CERKL: variants seen among roughly 807,000 people sequenced by gnomAD.
CERKL encodes the protein ceramide kinase-like protein.
CERKL carries 61 observed loss-of-function variants against 63.4 expected under a neutral mutation model. That is an observed-to-expected ratio of 0.96 (90% CI 0.78 to 1.19). The LOEUF (loss-of-function observed/expected upper bound fraction) is 1.19, where lower values mean the gene tolerates loss of function less well. Ranked by LOEUF, CERKL falls within the 50% of genes most tolerant of loss-of-function variation. The pLI, the probability that CERKL is intolerant of heterozygous loss-of-function variation, is 0.00. For missense variants in CERKL, 675 were observed against 655.5 expected (o/e 1.03, Z -0.33); for synonymous variants, 250 against 230.5 (o/e 1.08, Z -0.77).
chr2:181,656,897 T>G lies in CERKL; in HGVS notation c.110A>C (p.Gln37Pro). Residue 37 changes from glutamine (Q) to proline (P), a missense_variant, in exon 1 of 13, where the codon CAG becomes CCG. Coordinates refer to ENST00000410087, the MANE Select transcript of CERKL (RefSeq NM_201548.5). Reference protein sequence around the residue: ...AVPPALLTSPQQTEAAAERIL... With the variant: ...AVPPALLTSPPQTEAAAERIL... ...CCGCTCGGCCGCCGCCTCCGTCTGC[T>G]GCGGGGACGTTAACAGCGCCGGAGG... 1 of 1,604,882 alleles carries G rather than the reference T, an allele frequency of 6.2e-7. No individual in the cohort carries two copies. Among genetic ancestry groups the G allele is most frequent in the Non-Finnish European group, 8.5e-7 (1 of 1,175,060 alleles).
intron 1 of CERKL, among the ~76,000 whole-genome samples, chr2:181,607,580 A>C (rs910470058): frequency 1.3e-5 from 2 of 152,218 alleles, no homozygotes; most frequent in African/African-American, 4.8e-5. Flanking sequence ...AAAGGAAACC[A>C]AACTCAGTCA....
At position 181,604,083 on chromosome 2, in the gene CERKL, A is replaced by G. The variant is rs1292284391; in HGVS notation, c.239-4T>C. On this transcript the variant is annotated splice_polypyrimidine_tract_variant and splice_region_variant and intron_variant, in intron 1 of 12. Transcript: ENST00000410087. ...AGCAAGTCATACTTAGAATCACCTG[A>G]AAAAAAAATAAATTTTCCAATTAAA... The G allele has an allele frequency of 1.3e-5, 21 of 1,559,934 alleles. No homozygotes were observed. The highest frequency in any genetic ancestry group is 2.3e-5 in the East Asian group (1 of 44,130).
intron 10 of CERKL, among the ~76,000 whole-genome samples, chr2:181,545,870 A>G (rs927960198): frequency 1.3e-5 from 2 of 152,196 alleles, no homozygotes; most frequent in Non-Finnish European, 2.9e-5. Flanking sequence ...CACAACTTAC[A>G]TGGCTGGCAC....
chr2:181,553,066 C>G (rs775654976), intron 5 of CERKL, among the ~76,000 whole-genome samples: 4 of 152,152 alleles, frequency 2.6e-5, no homozygotes, highest in Non-Finnish European at 4.4e-5. Flanking sequence ...ACCTCCAACT[C>G]ATGGACTCAG....
rs1687133236 is a variant in CERKL, at chr2:181,536,803, C to CTAGATAATTG, written c.*1371_*1380dup. On this transcript the variant is annotated 3_prime_UTR_variant, in exon 13 of 13. Coordinates refer to ENST00000410087, the MANE Select transcript of CERKL (RefSeq NM_201548.5). Reference sequence around the variant, plus strand: ...GTAATATTTATTTTATGCTTATGATCTAGATAATTGCAGAATATCATTTTA... The same window carrying CTAGATAATTG: ...GTAATATTTATTTTATGCTTATGATCTAGATAATTGTAGATAATTGCAGAATATCATTTTA... 3.4e-6 allele frequency: 1 copy of CTAGATAATTG among 292,192 alleles called. No individual in the cohort carries two copies. The highest frequency in any genetic ancestry group is 6.8e-6 in the Non-Finnish European group (1 of 147,136). 18.1% of individuals were successfully genotyped at this position (292,192 alleles called of 1,614,324 possible).
At chr2:181,565,513 G>C in intron 4 of CERKL, 4 of 1,597,612 alleles carry the variant, frequency 2.5e-6, no homozygotes, top group Non-Finnish European at 3.4e-6. Context: ...GATGCCCACT[G>C]TGAATAACAT....
chr2:181,576,165 T>A (rs991739867), intron 2 of CERKL, among the ~76,000 whole-genome samples: 1 of 152,164 alleles, frequency 6.6e-6, no homozygotes, highest in African/African-American at 2.4e-5. Flanking sequence ...TTCTGTTCTA[T>A]AGGATAATAT....
intron 8 of CERKL, 198 bp from the exon 9 acceptor site, chr2:181,548,045 A>T (rs976546929): frequency 1.6e-6 from 1 of 618,398 alleles, no homozygotes; most frequent in African/African-American, 1.9e-5. Flanking sequence ...TTTAAAGGTA[A>T]ACTAGTATTA....
chr2:181,643,516 T>C (rs984356426), intron 1 of CERKL, among the ~76,000 whole-genome samples: 25 of 152,378 alleles, frequency 1.6e-4, no homozygotes, highest in Non-Finnish European at 2.4e-4. Flanking sequence ...CAAATCATAA[T>C]GAGCATTTGT....
At position 181,548,667 on chromosome 2, in the gene CERKL, G is replaced by A; in HGVS notation, c.1073+13C>T. 6.2e-7 allele frequency: 1 copy of A among 1,613,780 alleles called. No homozygotes were observed. Among genetic ancestry groups the A allele is most frequent in the Non-Finnish European group, 8.5e-7 (1 of 1,179,828 alleles). On this transcript the variant is annotated intron_variant, in intron 7 of 12. Transcript: ENST00000410087. The stretch of plus-strand genomic sequence containing the variant: ...ACCTGGGATACAATTTTTGGTTTAA[G>A]AAAAAGACTTACTTAAGTTTTGCCA...
At chr2:181,603,505 A>G (rs1685543250) in intron 2 of CERKL, among the ~76,000 whole-genome samples, 1 of 152,202 alleles carries the variant, frequency 6.6e-6, no homozygotes, top group Admixed American at 6.5e-5. Context: ...AACATACTCA[A>G]CAAAATATTA....
Position 181,558,418 on chromosome 2 carries a change from A to C in CERKL, c.820+148T>G, listed in dbSNP as rs1431487907. On this transcript the variant is annotated intron_variant, in intron 5 of 12. Coordinates refer to ENST00000410087, the MANE Select transcript of CERKL (RefSeq NM_201548.5). This position sits in a 1 kb window ranked among gnomAD's most constrained non-coding sequence, Gnocchi z 4.2. ...CTCAAAGAGATTAAATGACTTGTCA[A>C]AAGTCTCACATTTGCTAGTGGGGAT... is the stretch of plus-strand genomic sequence containing the variant. 2.5e-6 allele frequency: 2 copies of C among 813,068 alleles called. No homozygotes were observed. Among genetic ancestry groups the C allele is most frequent in the Admixed American group, 1.9e-5 (1 of 52,198 alleles). 50.4% of individuals were successfully genotyped at this position (813,068 alleles called of 1,614,324 possible).
intron 1 of CERKL, among the ~76,000 whole-genome samples, chr2:181,642,998 C>T (rs890522282): frequency 2.6e-5 from 4 of 152,094 alleles, no homozygotes; most frequent in South Asian, 2.1e-4. Context: ...CTGAGTAAGG[C>T]GAGCAAAGGG....
intron 2 of CERKL, among the ~76,000 whole-genome samples, chr2:181,579,232 A>G (rs1334842997): frequency 1.3e-5 from 2 of 151,902 alleles, no homozygotes; most frequent in African/African-American, 4.9e-5. Context: ...TTCTCTTATT[A>G]CTACCAATTT....
At chr2:181,588,868 T>C (rs141765553) in intron 2 of CERKL, among the ~76,000 whole-genome samples, 26 of 152,320 alleles carry the variant, frequency 1.7e-4, no homozygotes, top group Non-Finnish European at 3.1e-4. Context: ...ATGTTGTCCA[T>C]TGGTATGTCT....
intron 1 of CERKL, among the ~76,000 whole-genome samples, chr2:181,648,403 G>T (rs1486098294): frequency 6.6e-6 from 1 of 150,684 alleles, no homozygotes; most frequent in African/African-American, 2.4e-5. Context: ...GATGCTAAAA[G>T]AACAAAAAAA....
At position 181,558,754 on chromosome 2, in the gene CERKL, T is replaced by C. The variant is rs751684520; in HGVS notation, c.678-46A>G. ...CAAAGAAGGCAAAACTTCAGAATGA[T>C]TGGTAATAAGTCATGAAATCTAGAC... On this transcript the variant is annotated intron_variant, in intron 4 of 12. Coordinates refer to ENST00000410087, the MANE Select transcript of CERKL (RefSeq NM_201548.5). The surrounding 1 kb of genome is among the most constrained non-coding windows in gnomAD (Gnocchi z 4.2). The C allele has an allele frequency of 1.1e-5, 18 of 1,600,326 alleles. No homozygotes were observed. The highest frequency in any genetic ancestry group is 5.0e-5 in the Admixed American group (3 of 59,824).
chr2:181,640,331 T>C (rs1336014480), intron 1 of CERKL, among the ~76,000 whole-genome samples: 2 of 152,198 alleles, frequency 1.3e-5, no homozygotes, highest in Non-Finnish European at 2.9e-5. Flanking sequence ...CACACCCACG[T>C]ACACATGTAG....
intron 1 of CERKL, among the ~76,000 whole-genome samples, chr2:181,640,710 T>C (rs1559119768): frequency 6.6e-6 from 1 of 152,230 alleles, no homozygotes; most frequent in African/African-American, 2.4e-5. Context: ...TCTATATCCA[T>C]TGCCCTGGTT....
Sources: allele counts gnomAD v4.1 joint callset (sites outside exome capture counted in the v4.1 genomes callset), GRCh38; gene constraint gnomAD v4.1.1; non-coding constraint Gnocchi (gnomAD v3.1); transcripts MANE v1.5; gene names NCBI Gene and HGNC (gene_info 2026-07-23, HGNC 2026-07-21).